DENND1A: variants seen among roughly 807,000 people sequenced by gnomAD.
DENND1A encodes the protein DENN domain-containing protein 1A.
DENND1A carries 51 observed loss-of-function variants against 113.7 expected under a neutral mutation model. The observed-to-expected ratio is 0.45, with a 90% confidence interval of 0.36 to 0.57. The LOEUF (loss-of-function observed/expected upper bound fraction) is 0.57. Ranked by LOEUF, DENND1A falls within the 20% of genes least tolerant of loss-of-function variation. DENND1A has a pLI of 0.00. For synonymous variants in DENND1A, 565 were observed against 570.8 expected (o/e 0.99, Z 0.14); for missense variants, 1,258 against 1,395.9 (o/e 0.90, Z 1.57).
intron 3 of DENND1A, among the ~76,000 whole-genome samples, chr9:123,785,874 G>A (rs1341896785): frequency 6.6e-6 from 1 of 152,096 alleles, no homozygotes; most frequent in Non-Finnish European, 1.5e-5. Flanking sequence ...TGAGCCTTTT[G>A]GGCAAGAGGT....
intron 2 of DENND1A, among the ~76,000 whole-genome samples, chr9:123,835,300 G>C (rs1156406582): frequency 6.6e-6 from 1 of 152,090 alleles, no homozygotes; most frequent in Non-Finnish European, 1.5e-5. Context: ...AAGTGGTCAG[G>C]GTAGGGACAC....
chr9:123,877,343 G>A (rs1359070226), intron 2 of DENND1A, among the ~76,000 whole-genome samples: 1 of 151,778 alleles, frequency 6.6e-6, no homozygotes, highest in Non-Finnish European at 1.5e-5. Context: ...CAAAAAATTA[G>A]CCGGACGTGG....
intron 13 of DENND1A, among the ~76,000 whole-genome samples, chr9:123,536,087 G>C (rs933817186): frequency 3.3e-5 from 5 of 152,118 alleles, no homozygotes; most frequent in Non-Finnish European, 7.4e-5. Context: ...AAAACCAGGT[G>C]AACAATGAAC....
At position 123,383,800 on chromosome 9, in the gene DENND1A, C is replaced by T. The variant is rs776689069; in HGVS notation, c.1874G>A (p.Arg625Gln). The T allele has an allele frequency of 5.2e-5, 84 of 1,614,058 alleles. No individual in the cohort carries two copies. The highest frequency in any genetic ancestry group is 3.6e-4 in the East Asian group (16 of 44,888). The stretch of plus-strand genomic sequence containing the variant: ...TTCCAGAAGGTCGATGCTGGCAGCC[C>T]GGTCAGGGGGAGCTGGGACAGGGCC... Reference protein sequence around the residue: ...STGPVPAPPDRAASIDLLEDV... With the variant: ...STGPVPAPPDQAASIDLLEDV... Residue 625 changes from arginine to glutamine, a missense_variant, in exon 23 of 24, where the codon CGG becomes CAG. Arg to Gln is a conservative substitution (Grantham distance 43). Coordinates refer to ENST00000394215, the MANE Select transcript of DENND1A (RefSeq NM_001352964.2).
chr9:123,675,082 C>G (rs2063991218), intron 6 of DENND1A, among the ~76,000 whole-genome samples: 1 of 152,114 alleles, frequency 6.6e-6, no homozygotes, highest in African/African-American at 2.4e-5. Context: ...CGACAGAATC[C>G]CCTGACATCT....
chr9:123,825,375 T>C (rs561169837), intron 2 of DENND1A, among the ~76,000 whole-genome samples: 6 of 152,040 alleles, frequency 3.9e-5, no homozygotes, highest in Non-Finnish European at 8.8e-5. Flanking sequence ...CCTCTGAGAT[T>C]TTTTTTCTCA....
chr9:123,425,794 T>A (rs1306691386), intron 19 of DENND1A, among the ~76,000 whole-genome samples: 1 of 151,672 alleles, frequency 6.6e-6, no homozygotes, highest in Non-Finnish European at 1.5e-5. Context: ...GAGAAGTCGG[T>A]GGAGGTGGGG....
intron 12 of DENND1A, among the ~76,000 whole-genome samples, chr9:123,561,794 A>G (rs2057774616): frequency 6.6e-6 from 1 of 152,112 alleles, no homozygotes; most frequent in Admixed American, 6.5e-5. Flanking sequence ...TCTGTGTGCC[A>G]TCTTGGTTAC....
intron 5 of DENND1A, among the ~76,000 whole-genome samples, chr9:123,683,697 G>A (rs909733470): frequency 2.0e-5 from 3 of 152,112 alleles, no homozygotes; most frequent in African/African-American, 7.2e-5. Context: ...TTTATAATAC[G>A]TGCTTGTTTG....
At chr9:123,756,978 C>T (rs2070614678) in intron 5 of DENND1A, among the ~76,000 whole-genome samples, 2 of 152,154 alleles carry the variant, frequency 1.3e-5, no homozygotes, top group South Asian at 2.1e-4. Context: ...ACCTACTTAA[C>T]CAAGGCAGAT....
At chr9:123,902,252 G>T (rs1321013963) in intron 1 of DENND1A, among the ~76,000 whole-genome samples, 2 of 151,634 alleles carry the variant, frequency 1.3e-5, no homozygotes, top group South Asian at 4.2e-4. Flanking sequence ...AACAGGCAGA[G>T]CTACCTAATC....
At chr9:123,798,725 C>CAAAAAA (rs59256751) in intron 2 of DENND1A, among the ~76,000 whole-genome samples, 4 of 70,032 alleles carry the variant, frequency 5.7e-5, no homozygotes, top group East Asian at 5.2e-4. Context: ...GTGCTGGAGG[C>CAAAAAA]AAAAAAAAAA....
intron 2 of DENND1A, among the ~76,000 whole-genome samples, chr9:123,833,058 G>A (rs1006655415): frequency 7.2e-6 from 1 of 138,556 alleles, no homozygotes; most frequent in Non-Finnish European, 1.5e-5. Context: ...CCAGGAGTTT[G>A]AGGCTACAGT....
intron 13 of DENND1A, among the ~76,000 whole-genome samples, chr9:123,540,036 G>A (rs1244523647): frequency 2.6e-5 from 4 of 152,176 alleles, no homozygotes; most frequent in African/African-American, 4.8e-5. Flanking sequence ...TTTGTAAACA[G>A]TGTCAGCATG....
At chr9:123,431,468 C>A (rs921118779) in intron 19 of DENND1A, among the ~76,000 whole-genome samples, 1 of 152,240 alleles carries the variant, frequency 6.6e-6, no homozygotes, top group African/African-American at 2.4e-5. Flanking sequence ...GCCCAGGTGG[C>A]TGCACTGGCC....
intron 11 of DENND1A, among the ~76,000 whole-genome samples, chr9:123,604,425 A>G (rs578056431): frequency 6.6e-6 from 1 of 152,268 alleles, no homozygotes; most frequent in South Asian, 2.1e-4. Context: ...GTGAAGGTGG[A>G]TATTATATCA....
intron 2 of DENND1A, among the ~76,000 whole-genome samples, chr9:123,838,569 T>C (rs1191295244): frequency 6.6e-6 from 1 of 152,152 alleles, no homozygotes; most frequent in Non-Finnish European, 1.5e-5. Context: ...AATAGCCATA[T>C]CAAGAATCAT....
intron 12 of DENND1A, among the ~76,000 whole-genome samples, chr9:123,565,770 A>G (rs1010947278): frequency 6.6e-6 from 1 of 152,214 alleles, no homozygotes; most frequent in Non-Finnish European, 1.5e-5. Flanking sequence ...TCCATTACAT[A>G]AGCATATCTA....
rs116889709 is a variant in DENND1A at position 123,576,524 on chromosome 9, A to G, written c.867+6645T>C. Among the ~76,000 whole-genome samples, 331 of 151,876 alleles carry G rather than the reference A, an allele frequency of 2.2e-3. 4 individuals are homozygous for G. The East Asian group carries it at 0.047, about 22-fold the overall frequency. On this transcript the variant is annotated intron_variant, in intron 12 of 23. Coordinates refer to ENST00000394215, the MANE Select transcript of DENND1A (RefSeq NM_001352964.2). ...AGTTTTGCCTTTTTTTTTGAGATGG[A>G]TTCTAGCTCTGTTTCCCAGGCTGGA...
Sources: allele counts gnomAD v4.1 joint callset (sites outside exome capture counted in the v4.1 genomes callset), GRCh38; gene constraint gnomAD v4.1.1; transcripts MANE v1.5; gene names NCBI Gene and HGNC (gene_info 2026-07-23, HGNC 2026-07-21).